The following XYLT1 variants were observed in gnomAD, a reference collection of about 807,000 sequenced individuals.
XYLT1 encodes the protein xylosyltransferase 1, also known as beta-D-xylosyltransferase 1.
Under a neutral mutation model 91.3 loss-of-function variants are expected in XYLT1, and 36 were observed. That is an observed-to-expected ratio of 0.39 (90% CI 0.30 to 0.52). The LOEUF (loss-of-function observed/expected upper bound fraction) is 0.52, where lower values mean the gene tolerates loss of function less well. Ranked by LOEUF, XYLT1 falls within the 20% of genes least tolerant of loss-of-function variation. The pLI is 0.68. For synonymous variants in XYLT1, 588 were observed against 532.0 expected (o/e 1.11, Z -1.45); for missense variants, 1,242 against 1,284.5 (o/e 0.97, Z 0.51).
chr16:17,199,104 T>C (rs917135931), intron 4 of XYLT1, among the ~76,000 whole-genome samples: 5 of 152,184 alleles, frequency 3.3e-5, no homozygotes, highest in African/African-American at 9.7e-5. Flanking sequence ...CTGGGAAATA[T>C]GGCTCCATCT....
At chr16:17,428,180 C>T (rs948071195) in intron 1 of XYLT1, among the ~76,000 whole-genome samples, 9 of 152,124 alleles carry the variant, frequency 5.9e-5, no homozygotes, top group Admixed American at 3.9e-4. Context: ...GCCAGAGGTT[C>T]GCCATGTTGG....
intron 2 of XYLT1, among the ~76,000 whole-genome samples, chr16:17,282,066 T>C (rs977359865): frequency 6.6e-6 from 1 of 152,202 alleles, no homozygotes; most frequent in African/African-American, 2.4e-5. Flanking sequence ...AACTCCACTT[T>C]CTACCTCCAA....
At chr16:17,136,809 CAT>C (rs2030741284) in intron 8 of XYLT1, among the ~76,000 whole-genome samples, 1 of 152,112 alleles carries the variant, frequency 6.6e-6, no homozygotes, top group Admixed American at 6.5e-5. Flanking sequence ...GCTGTGAACA[CAT>C]GAGGCACTCC....
At chr16:17,151,859 T>C (rs973825428) in intron 6 of XYLT1, among the ~76,000 whole-genome samples, 43 of 152,262 alleles carry the variant, frequency 2.8e-4, no homozygotes, top group African/African-American at 1.0e-3. Flanking sequence ...CTGGCTTTCT[T>C]ATATTTCCCA....
intron 8 of XYLT1, among the ~76,000 whole-genome samples, chr16:17,136,116 C>G (rs576670862): frequency 8.5e-5 from 13 of 152,276 alleles, no homozygotes; most frequent in African/African-American, 1.9e-4. Flanking sequence ...ACACACAATA[C>G]GCAGGGCAAT....
At chr16:17,201,359 C>G (rs1046668667) in intron 3 of XYLT1, among the ~76,000 whole-genome samples, 9 of 152,178 alleles carry the variant, frequency 5.9e-5, no homozygotes, top group African/African-American at 2.2e-4. Flanking sequence ...AATGGGAATG[C>G]TGATTCTCCA....
intron 1 of XYLT1, among the ~76,000 whole-genome samples, chr16:17,464,533 T>C (rs1210178308): frequency 6.7e-6 from 1 of 149,832 alleles, no homozygotes; most frequent in African/African-American, 2.5e-5. Context: ...AGAATTTCAG[T>C]GTCTCTGACA....
In XYLT1 at chr16:17,163,893, A is replaced by G. The variant is rs1030708259; in HGVS notation, c.1290-4984T>C. ...GTGAAACCCCGTCTCTACTAAAAAT[A>G]CAAAAATTAGCCAGGTGTGGTGGCA... On this transcript the variant is annotated intron_variant, in intron 5 of 11. Transcript: ENST00000261381. Among the ~76,000 whole-genome samples, 30 of 152,022 alleles carry G rather than the reference A, an allele frequency of 2.0e-4. 1 individual carries two copies. Among genetic ancestry groups the G allele is most frequent in the Admixed American group, 3.3e-4 (5 of 15,266 alleles).
At chr16:17,156,157 C>T (rs558481935) in intron 6 of XYLT1, among the ~76,000 whole-genome samples, 3 of 152,204 alleles carry the variant, frequency 2.0e-5, no homozygotes, top group Non-Finnish European at 4.4e-5. Context: ...TGCAACACAG[C>T]TAGAACACAG....
intron 5 of XYLT1, among the ~76,000 whole-genome samples, chr16:17,185,096 G>A (rs961912203): frequency 6.6e-5 from 10 of 152,110 alleles, no homozygotes; most frequent in African/African-American, 2.4e-4. Flanking sequence ...TTGTCCAGCC[G>A]ATGGTCTAGG....
intron 1 of XYLT1, among the ~76,000 whole-genome samples, chr16:17,397,078 C>T (rs1035492283): frequency 6.6e-6 from 1 of 152,242 alleles, no homozygotes; most frequent in Admixed American, 6.5e-5. Context: ...ATCTAAAATA[C>T]CTCTTATCTG....
At chr16:17,111,184 C>A (rs1362570408) in intron 11 of XYLT1, among the ~76,000 whole-genome samples, 1 of 151,926 alleles carries the variant, frequency 6.6e-6, no homozygotes, top group Non-Finnish European at 1.5e-5. Flanking sequence ...AAAATTGCAA[C>A]CTCAGGCATA....
At chr16:17,139,899 C>T (rs763639740) in intron 7 of XYLT1, among the ~76,000 whole-genome samples, 3 of 152,188 alleles carry the variant, frequency 2.0e-5, no homozygotes, top group Non-Finnish European at 2.9e-5. Flanking sequence ...GTCAGCCCTC[C>T]CCGGAGCTTG....
At chr16:17,379,759 T>TCACACACA (rs1489816883) in intron 1 of XYLT1, among the ~76,000 whole-genome samples, 59 of 117,976 alleles carry the variant, frequency 5.0e-4, no homozygotes, top group African/African-American at 2.2e-3. Context: ...TCTCTCTCTC[T>TCACACACA]CTCTCACACA....
chr16:17,450,247 A>C (rs1038989747), intron 1 of XYLT1, among the ~76,000 whole-genome samples: 1 of 152,100 alleles, frequency 6.6e-6, no homozygotes, highest in Non-Finnish European at 1.5e-5. Flanking sequence ...CTGAGGCAGG[A>C]GAATCGCTTG....
intron 1 of XYLT1, 72 bp downstream of exon 1, chr16:17,470,362 C>T: frequency 1.7e-6 from 2 of 1,206,684 alleles, no homozygotes; most frequent in Non-Finnish European, 2.1e-6. Flanking sequence ...AGTTCAAGGG[C>T]TAGGGGGGCG....
chr16:17,277,141 C>T (rs971804709), intron 2 of XYLT1, among the ~76,000 whole-genome samples: 7 of 152,228 alleles, frequency 4.6e-5, no homozygotes, highest in African/African-American at 1.4e-4. Context: ...ATCCTACCAA[C>T]AACTCAATAA....
At chr16:17,195,930 T>G (rs1223300049) in intron 5 of XYLT1, among the ~76,000 whole-genome samples, 1 of 152,228 alleles carries the variant, frequency 6.6e-6, no homozygotes, top group East Asian at 1.9e-4. Context: ...AGTAAATGTT[T>G]GTTGAACAAA....
chr16:17,154,712 G>T (rs889995511), intron 6 of XYLT1, among the ~76,000 whole-genome samples: 1 of 152,112 alleles, frequency 6.6e-6, no homozygotes, highest in Non-Finnish European at 1.5e-5. Context: ...TTTAATAACA[G>T]AAACAATCAG....
Sources: gnomAD v4.1 joint callset for allele counts (sites outside exome capture counted in the v4.1 genomes callset) on GRCh38, gnomAD v4.1.1 for gene constraint, MANE v1.5 for transcripts, NCBI Gene and HGNC (gene_info 2026-07-23, HGNC 2026-07-21) for gene names.